Variants in SPANXN1 observed in about 807,000 individuals in gnomAD.
SPANXN1 encodes SPANX family member N1.
SPANXN1 carries 1 observed loss-of-function variant against 2.0 expected under a neutral mutation model. That is an observed-to-expected ratio of 0.50 (90% confidence interval 0.18 to 2.36). The LOEUF (loss-of-function observed/expected upper bound fraction) is 2.36. SPANXN1 is among the 30% of genes most tolerant of loss of function. The pLI is 0.26. For synonymous variants in SPANXN1, 27 were observed against 21.3 expected (o/e 1.27, Z -0.74); for missense variants, 55 against 51.8 (o/e 1.06, Z -0.19).
intron 1 of SPANXN1, among the ~76,000 whole-genome samples, chrX:145,254,422 T>C (rs1273399676): frequency 9.0e-6 from 1 of 111,591 alleles, no homozygotes; most frequent in Non-Finnish European, 1.9e-5. Flanking sequence ...CTAAGGAAAG[T>C]GAGTACCCTG....
chrX:145,254,204 G>A (rs1338750221), intron 1 of SPANXN1, among the ~76,000 whole-genome samples: 1 of 108,961 alleles, frequency 9.2e-6, no homozygotes, highest in African/African-American at 3.4e-5. Context: ...GAGGCATTTT[G>A]GGGGGTTTCT....
chrX:145,247,795 C>T lies in SPANXN1; in HGVS notation c.75+134C>T, dbSNP rs193247114. On this transcript the variant is annotated intron_variant, in intron 1 of 1. Coordinates refer to ENST00000370493, the MANE Select transcript of SPANXN1 (RefSeq NM_001009614.3). Reference sequence around the variant, plus strand: ...AGACCCGCTTAATGCCAGAGCCCACCGCCGCTTACAGCCTGGGGTGCTTGT... The same window carrying T: ...AGACCCGCTTAATGCCAGAGCCCACTGCCGCTTACAGCCTGGGGTGCTTGT... 2.5e-3 allele frequency: 1,956 copies of T among 792,623 alleles called. 17 individuals are homozygous for T. In the African/African-American group the frequency reaches 0.034, roughly 14 times the overall value. 65.3% of individuals were successfully genotyped at this position (792,623 alleles called of 1,213,427 possible). A position where few individuals can be genotyped will look rare whatever the true frequency, so the allele number is the denominator to read the frequency against.
At chrX:145,252,575 T>C (rs1352595452) in intron 1 of SPANXN1, among the ~76,000 whole-genome samples, 1 of 109,840 alleles carries the variant, frequency 9.1e-6, no homozygotes, top group Non-Finnish European at 1.9e-5. Flanking sequence ...AATGGAGGGG[T>C]TCTGGAGGGT....
chrX:145,253,018 T>A (rs1341009986), intron 1 of SPANXN1, among the ~76,000 whole-genome samples: 3 of 111,253 alleles, frequency 2.7e-5, no homozygotes, highest in African/African-American at 6.6e-5. Flanking sequence ...ACTGACAGAA[T>A]TACCCTGGCT....
intron 1 of SPANXN1, among the ~76,000 whole-genome samples, chrX:145,249,618 C>A (rs782250374): frequency 1.8e-5 from 2 of 110,537 alleles, no homozygotes; most frequent in Non-Finnish European, 1.9e-5. Context: ...GAACAAATTT[C>A]TAGATGTGGA....
At chrX:145,252,170 C>T (rs782657678) in intron 1 of SPANXN1, among the ~76,000 whole-genome samples, 5 of 111,463 alleles carry the variant, frequency 4.5e-5, no homozygotes, top group Admixed American at 9.5e-5. Flanking sequence ...ATCCTGGAAC[C>T]CCTGTGGGAG....
At chrX:145,251,384 G>T (rs1482888563) in intron 1 of SPANXN1, among the ~76,000 whole-genome samples, 1 of 112,020 alleles carries the variant, frequency 8.9e-6, no homozygotes, top group Non-Finnish European at 1.9e-5. Flanking sequence ...GGTTTATGAG[G>T]TCCTGTAGGT....
At chrX:145,252,237 C>A (rs1569480035) in intron 1 of SPANXN1, among the ~76,000 whole-genome samples, 2 of 111,252 alleles carry the variant, frequency 1.8e-5, no homozygotes, top group African/African-American at 6.5e-5. Context: ...CAAGTTAGAA[C>A]AAAGAGACTT....
rs1197759020 is a variant in SPANXN1 at position 145,247,517 on chromosome X, C to G, written c.-70C>G. 3.7e-6 allele frequency: 4 copies of G among 1,084,993 alleles called. No individual in the cohort carries two copies. The African/African-American group carries it at 7.5e-5, about 20-fold the overall frequency. The allele number at this position is 1,084,993 out of a possible 1,213,427, so 89.4% of individuals were successfully genotyped here. ...AGCTCTGGGACATCCTCCTGGGAAG[C>G]TTCAATACAGCTGTGCAAGTCTGGA... On this transcript the variant is annotated 5_prime_UTR_variant, in exon 1 of 2. Coordinates refer to ENST00000370493, the MANE Select transcript of SPANXN1 (RefSeq NM_001009614.3).
Position 145,255,862 on chromosome X carries a change from C to T in SPANXN1, c.*48C>T. On this transcript the variant is annotated 3_prime_UTR_variant, in exon 2 of 2. Coordinates refer to ENST00000370493, the MANE Select transcript of SPANXN1 (RefSeq NM_001009614.3). ...AAGAGGAGGAGGACGAAGGCCTAGA[C>T]TCAGCTGAAGGATCTTCAAAGCAGG... 1 of 1,211,690 alleles carries T rather than the reference C, an allele frequency of 8.3e-7. No individual in the cohort carries two copies. The highest frequency in any genetic ancestry group is 1.7e-5 in the African/African-American group (1 of 57,839).
At chrX:145,251,555 G>A (rs782253827) in intron 1 of SPANXN1, among the ~76,000 whole-genome samples, 22 of 111,873 alleles carry the variant, frequency 2.0e-4, no homozygotes, top group Middle Eastern at 4.7e-3. Flanking sequence ...GGGCGTCGCC[G>A]TATGTTTGAC....
At chrX:145,255,649 C>T in intron 1 of SPANXN1, 22 bp from the exon 2 acceptor site, 5 of 1,211,404 alleles carry the variant, frequency 4.1e-6, no homozygotes, top group Non-Finnish European at 5.6e-6. Flanking sequence ...GTCTTTCTGG[C>T]CTCTCCCTGT....
At chrX:145,250,246 T>C (rs1301072121) in intron 1 of SPANXN1, among the ~76,000 whole-genome samples, 2 of 111,167 alleles carry the variant, frequency 1.8e-5, no homozygotes, top group African/African-American at 3.3e-5. Context: ...AGAATAGACG[T>C]GATGGTGTGT....
intron 1 of SPANXN1, among the ~76,000 whole-genome samples, chrX:145,255,215 G>A (rs1425421382): frequency 8.9e-6 from 1 of 111,770 alleles, no homozygotes; most frequent in African/African-American, 3.3e-5. Flanking sequence ...TGGGCAGTAT[G>A]GCTTGCTGCC....
At chrX:145,251,124 A>C (rs1433557174) in intron 1 of SPANXN1, among the ~76,000 whole-genome samples, 1 of 111,781 alleles carries the variant, frequency 8.9e-6, no homozygotes, top group Non-Finnish European at 1.9e-5. Flanking sequence ...TGGCTCCCTA[A>C]AAGAGCTTCC....
chrX:145,248,894 G>C (rs144032043), intron 1 of SPANXN1, among the ~76,000 whole-genome samples: 16 of 111,650 alleles, frequency 1.4e-4, no homozygotes, highest in African/African-American at 3.3e-4. Context: ...TGTTTTCCAG[G>C]GAGCGCCCTT....
intron 1 of SPANXN1, among the ~76,000 whole-genome samples, chrX:145,250,827 A>G (rs782314508): frequency 6.3e-5 from 7 of 111,982 alleles, no homozygotes; most frequent in African/African-American, 2.0e-4. Context: ...GGTGGCCTTT[A>G]GTGGTAGTTT....
intron 1 of SPANXN1, among the ~76,000 whole-genome samples, chrX:145,254,553 C>A (rs5966488): frequency 0.058 from 6,495 of 112,142 alleles, 474 homozygotes; most frequent in African/African-American, 0.2. Context: ...CAGCCCCGTA[C>A]TATTCATGCT....
rs377727855 is a variant in SPANXN1, at chrX:145,255,638, T to G, written c.76-33T>G. The G allele has an allele frequency of 1.6e-5, 19 of 1,209,069 alleles. No individual in the cohort carries two copies. In the African/African-American group the frequency reaches 2.6e-4, roughly 17 times the overall value. On this transcript the variant is annotated intron_variant, in intron 1 of 1. Coordinates refer to ENST00000370493, the MANE Select transcript of SPANXN1 (RefSeq NM_001009614.3). ...TCTCTATCCTATTCACCCAAAATAATGTCTTTCTGGCCTCTCCCTGTTTTC... is the reference window on the plus strand; with the variant it reads ...TCTCTATCCTATTCACCCAAAATAAGGTCTTTCTGGCCTCTCCCTGTTTTC...
Sources: gnomAD v4.1 joint callset for allele counts (sites outside exome capture counted in the v4.1 genomes callset) on GRCh38, gnomAD v4.1.1 for gene constraint, MANE v1.5 for transcripts, NCBI Gene and HGNC (gene_info 2026-07-23, HGNC 2026-07-21) for gene names.